The following RPL4 variants were observed in gnomAD, a reference collection of about 807,000 sequenced individuals.
The protein encoded by RPL4 is ribosomal protein L4, also known as large ribosomal subunit protein uL4.
In RPL4, 3 loss-of-function variants were observed where a neutral mutation model predicts 47.7. That is an observed-to-expected ratio of 0.06 (90% CI 0.03 to 0.16). The LOEUF is 0.16. Ranked by LOEUF, RPL4 falls within the 10% of genes least tolerant of loss-of-function variation. The probability of loss-of-function intolerance (pLI) is 1.00; values close to 1 mark genes in which losing one functional copy is unlikely to be tolerated. For synonymous variants in RPL4, 208 were observed against 182.1 expected (o/e 1.14, Z -1.15); for missense variants, 413 against 551.3 (o/e 0.75, Z 2.51).
intron 2 of RPL4, 48 bp from the exon 3 acceptor site, chr15:66,503,212 C>T (rs771747807): frequency 7.5e-6 from 12 of 1,593,412 alleles, no homozygotes; most frequent in Admixed American, 3.3e-5. Context: ...TCATACATAC[C>T]AACCCATGAC....
rs754692093 is a variant in RPL4, at chr15:66,500,036, CAAACA to C, written c.1038+15_1038+19del. ...AGATTCCGACTCAAAAACAAACAAA[CAAACA>C]AAAACTCCACTCACATTCCTGGCCT... On this transcript the variant is annotated intron_variant, in intron 9 of 9. Transcript: ENST00000307961. 27 of 1,611,028 alleles carry C rather than the reference CAAACA, an allele frequency of 1.7e-5. No individual in the cohort carries two copies. The highest frequency in any genetic ancestry group is 2.2e-5 in the Non-Finnish European group (26 of 1,179,588).
rs780532132 is a variant in RPL4 at position 66,503,496 on chromosome 15, C to T, written c.37G>A (p.Glu13Lys). ...TTTTTGCCAGATGACTCCCCCTTTT[C>T]GGAGTACACCGATATCAGTGGGCGA... ...CARPLISVYSEKGESSGKNVT... is the reference protein window; with the variant it reads ...CARPLISVYSKKGESSGKNVT... Residue 13 changes from glutamate to lysine, a missense_variant, in exon 2 of 10, where the codon GAA becomes AAA. Physicochemically the swap from Glu to Lys is moderately conservative, Grantham distance 56. Around this residue, in one of 4 missense-constraint regions of RPL4, gnomAD observed 56 missense variants for 70.6 expected, o/e 0.79. Transcript: ENST00000307961. 7.5e-6 allele frequency: 12 copies of T among 1,609,760 alleles called. No homozygotes were observed. The highest frequency in any genetic ancestry group is 2.2e-5 in the East Asian group (1 of 44,754).
In RPL4 at chr15:66,499,198, T is replaced by C; in HGVS notation, c.*209A>G. ...CCCCTTCCACTGAACTCCATGGACT[T>C]AGTATAAATCCATGCCCCATTTTAT... On this transcript the variant is annotated 3_prime_UTR_variant, in exon 10 of 10. Transcript: ENST00000307961. The C allele has an allele frequency of 1.8e-6, 1 of 553,076 alleles. No homozygotes were observed. The allele number at this position is 553,076 out of a possible 1,614,324, so 34.3% of individuals were successfully genotyped here.
chr15:66,499,277 T>A lies in RPL4; in HGVS notation c.*130A>T, dbSNP rs1474989955. ...AATTATGGCCAACAAAATGTCACTT[T>A]AAAAAAATTCTAACCAAGCTTTACA... On this transcript the variant is annotated 3_prime_UTR_variant, in exon 10 of 10. Coordinates refer to ENST00000307961, the MANE Select transcript of RPL4 (RefSeq NM_000968.4). The A allele has an allele frequency of 8.2e-7, 1 of 1,215,822 alleles. No individual in the cohort carries two copies. The highest frequency in any genetic ancestry group is 1.5e-5 in the South Asian group (1 of 66,972). The allele number at this position is 1,215,822 out of a possible 1,614,324, so 75.3% of individuals were successfully genotyped here.
In RPL4 at chr15:66,500,970, G is replaced by A. The variant is rs1454925137; in HGVS notation, c.812C>T (p.Ala271Val). 1 of 1,613,820 alleles carries A rather than the reference G, an allele frequency of 6.2e-7. No homozygotes were observed. Among genetic ancestry groups the A allele is most frequent in the African/African-American group, 1.3e-5 (1 of 74,928 alleles). ...TTACTTGTAGTTACTCTTGAGGGAA[G>A]CGGCTTTACGCCAAGTGCCGTACAA... ...DELYGTWRKA[A>V]SLKSNYNLPM... is the part of the protein sequence containing the mutation. Residue 271 changes from alanine (A) to valine (V), a missense_variant, in exon 7 of 10, where the codon GCT (alanine) becomes GTT (valine). Transcript: ENST00000307961.
intron 3 of RPL4, 122 bp downstream of exon 3, chr15:66,502,936 G>C: frequency 7.9e-7 from 1 of 1,271,620 alleles, no homozygotes; most frequent in Non-Finnish European, 1.1e-6. Flanking sequence ...TATAAATGAA[G>C]CCCCTTCTCT....
At chr15:66,501,666 GCT>G in intron 5 of RPL4, 120 bp downstream of exon 5, 2 of 1,505,284 alleles carry the variant, frequency 1.3e-6, no homozygotes, top group South Asian at 1.3e-5. Context: ...AAGTAATCGG[GCT>G]CTGAGGTTCT....
Position 66,501,515 on chromosome 15 carries a change from A to G in RPL4, c.547-11T>C. ...CTGAGAGGCATAGACCTACAAAGTG[A>G]GCAGTTTTAGTATTCTGATTAAGAT... is the stretch of plus-strand genomic sequence containing the variant. On this transcript the variant is annotated splice_polypyrimidine_tract_variant and intron_variant, in intron 5 of 9. Coordinates refer to ENST00000307961, the MANE Select transcript of RPL4 (RefSeq NM_000968.4). 6.2e-7 allele frequency: 1 copy of G among 1,613,888 alleles called. No homozygotes were observed. Among genetic ancestry groups the G allele is most frequent in the East Asian group, 2.2e-5 (1 of 44,886 alleles).
At chr15:66,501,203 TATTA>T (rs747285555) in intron 6 of RPL4, 98 bp from the exon 7 acceptor site, 5 of 1,563,528 alleles carry the variant, frequency 3.2e-6, no homozygotes, top group African/African-American at 1.4e-5. Context: ...CCTGAGAACT[TATTA>T]ATTATGAAGT....
At position 66,500,116 on chromosome 15, in the gene RPL4, C is replaced by T; in HGVS notation, c.978G>A (p.Leu326=). 5 of 1,612,938 alleles carry T rather than the reference C, an allele frequency of 3.1e-6. No individual in the cohort carries two copies. The highest frequency in any genetic ancestry group is 3.4e-6 in the Non-Finnish European group (4 of 1,179,896). ...KNPLKNLRIM[L]KLNPYAKTMR... is the part of the protein sequence containing the mutation. The stretch of plus-strand genomic sequence containing the variant: ...TGGTCTTTGCATATGGGTTTAGCTT[C>T]AACATGATTCTCAAGTTTTTCAGTG... The change falls in exon 9 of 10, where the codon TTG becomes TTA. Residue 326 remains leucine, a synonymous_variant. Coordinates refer to ENST00000307961, the MANE Select transcript of RPL4 (RefSeq NM_000968.4).
At position 66,502,592 on chromosome 15, in the gene RPL4, T is replaced by C. The variant is rs761667947; in HGVS notation, c.421+20A>G. Reference sequence around the variant, plus strand: ...GTCTTATTTCTTCTATCAAACTCTCTTATATAAAGTATTACAAACCTTTAG... The same window carrying C: ...GTCTTATTTCTTCTATCAAACTCTCCTATATAAAGTATTACAAACCTTTAG... On this transcript the variant is annotated intron_variant, in intron 4 of 9. Transcript: ENST00000307961. 2.5e-6 allele frequency: 4 copies of C among 1,607,942 alleles called. No individual in the cohort carries two copies. Among genetic ancestry groups the C allele is most frequent in the Non-Finnish European group, 3.4e-6 (4 of 1,178,606 alleles).
At chr15:66,502,013 C>T (rs756897709) in intron 4 of RPL4, 101 bp from the exon 5 acceptor site, 5 of 1,462,338 alleles carry the variant, frequency 3.4e-6, no homozygotes, top group South Asian at 2.3e-5. Flanking sequence ...AATGGTATTC[C>T]GTTTGCCAAG....
chr15:66,499,890 G>C, intron 9 of RPL4, 166 bp downstream of exon 9: 1 of 948,172 alleles, frequency 1.1e-6, no homozygotes, highest in Admixed American at 2.8e-5. Flanking sequence ...GGACATGGTG[G>C]CGTGCGCCTG....
intron 4 of RPL4, 24 bp from the exon 5 acceptor site, chr15:66,501,936 C>T (rs1595895925): frequency 6.3e-7 from 1 of 1,593,576 alleles, no homozygotes; most frequent in Non-Finnish European, 8.5e-7. Context: ...ATGACACTTA[C>T]TTGGTTATCC....
intron 4 of RPL4, chr15:66,502,373 A>C (rs1337780158): frequency 6.0e-6 from 3 of 497,762 alleles, no homozygotes; most frequent in African/African-American, 3.9e-5. Context: ...AAAAATTTTT[A>C]AACCGGTATG....
At chr15:66,504,035 T>C (rs1893689861) in intron 1 of RPL4, among the ~76,000 whole-genome samples, 1 of 152,158 alleles carries the variant, frequency 6.6e-6, no homozygotes, top group South Asian at 2.1e-4. Context: ...CTACTTCTGA[T>C]CTCAACTCCC....
At chr15:66,502,892 A>C (rs1178877583) in intron 3 of RPL4, 142 bp from the exon 4 acceptor site, 1 of 1,381,216 alleles carries the variant, frequency 7.2e-7, no homozygotes, top group African/African-American at 1.4e-5. Flanking sequence ...AGTAAGACGC[A>C]AATTACGACA....
At chr15:66,503,801 G>T (rs889953884) in intron 1 of RPL4, among the ~76,000 whole-genome samples, 1 of 152,154 alleles carries the variant, frequency 6.6e-6, no homozygotes, top group Non-Finnish European at 1.5e-5. Flanking sequence ...ATATTGTAAG[G>T]TTTGGAGATG....
rs1342398450 is a variant in RPL4, at chr15:66,499,504, A to G, written c.1187T>C (p.Leu396Pro). Residue 396 changes from leucine (L) to proline (P), a missense_variant, in exon 10 of 10, where the codon CTG becomes CCG. Physicochemically the swap from Leu to Pro is moderately conservative, Grantham distance 98. This residue lies in a region of RPL4 where 134 missense variants were observed against 122.7 expected (regional missense o/e 1.09). Transcript: ENST00000307961. Reference protein sequence around the residue: ...AVGVKKQKKPLVGKKAAATKK... With the variant: ...AVGVKKQKKPPVGKKAAATKK... Reference sequence around the variant, plus strand: ...GGTAGCTGCTGCCTTTTTTCCCACCAGAGGCTTCTTCTGCTTCTTAACACC... The same window carrying G: ...GGTAGCTGCTGCCTTTTTTCCCACCGGAGGCTTCTTCTGCTTCTTAACACC... 1.9e-6 allele frequency: 3 copies of G among 1,612,016 alleles called. No individual in the cohort carries two copies. The highest frequency in any genetic ancestry group is 1.3e-5 in the African/African-American group (1 of 74,822).
Sources: gnomAD v4.1 joint callset for allele counts (sites outside exome capture counted in the v4.1 genomes callset) on GRCh38, gnomAD v4.1.1 for gene constraint, gnomAD v4.1.1 regional missense constraint, MANE v1.5 for transcripts, NCBI Gene and HGNC (gene_info 2026-07-23, HGNC 2026-07-21) for gene names.